Variants in PPFIA2 observed in about 807,000 individuals in gnomAD.
PPFIA2 encodes PPFI scaffold protein A2.
A neutral mutation model predicts 175.5 loss-of-function variants in PPFIA2; 46 were observed. That is an observed-to-expected ratio of 0.26 (90% CI 0.21 to 0.34). The LOEUF (loss-of-function observed/expected upper bound fraction) is 0.34, where lower values mean the gene tolerates loss of function less well. PPFIA2 is among the 10% of genes least tolerant of loss of function. PPFIA2 has a pLI of 1.00. For synonymous variants in PPFIA2, 568 were observed against 511.4 expected, an observed-to-expected ratio of 1.11 and a Z score of -1.49; for missense variants, 1,179 against 1,506.1, an observed-to-expected ratio of 0.78 and a Z score of 3.60.
chr12:81,572,706 A>G (rs917870475), intron 4 of PPFIA2, among the ~76,000 whole-genome samples: 1 of 152,030 alleles, frequency 6.6e-6, no homozygotes, highest in Admixed American at 6.6e-5. Flanking sequence ...TCTAGTAGCA[A>G]TGGGACATCC....
At chr12:81,385,867 A>G (rs1364968809) in intron 8 of PPFIA2, among the ~76,000 whole-genome samples, 1 of 152,202 alleles carries the variant, frequency 6.6e-6, no homozygotes, top group Admixed American at 6.5e-5. Flanking sequence ...CACCACAAAA[A>G]TGATAAGTGA....
chr12:81,377,587 C>T (rs1033059344), intron 9 of PPFIA2, among the ~76,000 whole-genome samples: 1 of 151,896 alleles, frequency 6.6e-6, no homozygotes, highest in Non-Finnish European at 1.5e-5. Context: ...AATAGATCCA[C>T]CATGAAACTC....
At chr12:81,348,422 T>C (rs1293022806) in intron 17 of PPFIA2, among the ~76,000 whole-genome samples, 1 of 152,036 alleles carries the variant, frequency 6.6e-6, no homozygotes, top group Non-Finnish European at 1.5e-5. Flanking sequence ...GATGAATACA[T>C]AAATAATGAA....
At chr12:81,758,951 C>G (rs954369240) in intron 1 of PPFIA2, among the ~76,000 whole-genome samples, 1 of 152,148 alleles carries the variant, frequency 6.6e-6, no homozygotes, top group Non-Finnish European at 1.5e-5. Flanking sequence ...GAGAGAAGTT[C>G]TCCACCCAGT....
At chr12:81,745,947 C>T (rs1441525156) in intron 3 of PPFIA2, among the ~76,000 whole-genome samples, 2 of 107,176 alleles carry the variant, frequency 1.9e-5, no homozygotes. Flanking sequence ...AACAAACAAA[C>T]AGCTTTCCAA....
At chr12:81,471,133 T>G (rs1185539407) in intron 4 of PPFIA2, 1 of 149,702 alleles carries the variant, frequency 6.7e-6, no homozygotes, top group East Asian at 1.9e-4. Flanking sequence ...ATTTATTTAT[T>G]TATTTATTTA....
intron 3 of PPFIA2, among the ~76,000 whole-genome samples, chr12:81,706,434 T>C (rs2077149272): frequency 6.6e-6 from 1 of 152,238 alleles, no homozygotes; most frequent in Non-Finnish European, 1.5e-5. Flanking sequence ...TATGAAGCTA[T>C]TTATTGTGCT....
chr12:81,718,800 G>A (rs1206071369), intron 3 of PPFIA2, among the ~76,000 whole-genome samples: 1 of 151,624 alleles, frequency 6.6e-6, no homozygotes, highest in Non-Finnish European at 1.5e-5. Flanking sequence ...AACTGTGAGA[G>A]GATGAGAGAC....
intron 4 of PPFIA2, among the ~76,000 whole-genome samples, chr12:81,540,045 AACAGAGAGAGAGAGGAG>A (rs1277221014): frequency 6.6e-6 from 1 of 151,912 alleles, no homozygotes; most frequent in African/African-American, 2.4e-5. Flanking sequence ...AATGTGGAAA[AACAGAGAGAGAGAGGAG>A]ACAGAGAGAG....
At chr12:81,279,413 A>G (rs1350758636) in intron 27 of PPFIA2, 1 of 152,202 alleles carries the variant, frequency 6.6e-6, no homozygotes, top group Non-Finnish European at 1.5e-5. Context: ...TATAATCACT[A>G]TCACAGATAT....
At chr12:81,724,602 T>A (rs1039710213) in intron 3 of PPFIA2, among the ~76,000 whole-genome samples, 3 of 151,020 alleles carry the variant, frequency 2.0e-5, no homozygotes, top group Non-Finnish European at 3.0e-5. Context: ...TTATTTCACC[T>A]AATTTAAGAC....
intron 3 of PPFIA2, among the ~76,000 whole-genome samples, chr12:81,714,379 G>A (rs1165621438): frequency 6.6e-6 from 1 of 150,908 alleles, no homozygotes; most frequent in Admixed American, 6.8e-5. Flanking sequence ...AGGTATGAAA[G>A]GCAGCTGAGT....
intron 3 of PPFIA2, among the ~76,000 whole-genome samples, chr12:81,715,944 T>C (rs1731694642): frequency 1.3e-5 from 2 of 151,570 alleles, no homozygotes; most frequent in Admixed American, 1.3e-4. Flanking sequence ...ACAGTTCAAT[T>C]AAAAACTTTA....
chr12:81,366,981 T>A, intron 14 of PPFIA2, 127 bp downstream of exon 14: 1 of 1,104,776 alleles, frequency 9.1e-7, no homozygotes, highest in Non-Finnish European at 1.2e-6. Flanking sequence ...TTCTAAAAAG[T>A]TAAAATTGTT....
At chr12:81,348,965 G>T (rs2059554797) in intron 17 of PPFIA2, among the ~76,000 whole-genome samples, 1 of 152,054 alleles carries the variant, frequency 6.6e-6, no homozygotes, top group Admixed American at 6.6e-5. Flanking sequence ...GTACCTTCAA[G>T]TTTATGATCA....
At chr12:81,752,354 A>T (rs1486576317) in intron 3 of PPFIA2, among the ~76,000 whole-genome samples, 1 of 152,202 alleles carries the variant, frequency 6.6e-6, no homozygotes, top group African/African-American at 2.4e-5. Context: ...CAAGAGAGTA[A>T]GCAGGATGGT....
rs60859846 is a variant in PPFIA2, at chr12:81,642,661, T to TA, written c.303+34129_303+34130insT. ...TTATATACATACATGTATGTATCTA[T>TA]TATATACATACATGTATGTATCTAT... is the stretch of plus-strand genomic sequence containing the variant. On this transcript the variant is annotated intron_variant, in intron 4 of 32. Transcript: ENST00000549396. Among the ~76,000 whole-genome samples the TA allele has an allele frequency of 1.5e-4, 15 of 98,082 alleles. 3 individuals carry two copies. Among genetic ancestry groups the TA allele is most frequent in the African/African-American group, 5.2e-4 (14 of 27,118 alleles). The allele number at this position is 98,082 out of a possible 152,430, so 64.3% of individuals were successfully genotyped here.
In PPFIA2 at chr12:81,758,483, C is replaced by A; in HGVS notation, c.-86G>T. 1 of 456,416 alleles carries A rather than the reference C, an allele frequency of 2.2e-6. No homozygotes were observed. The highest frequency in any genetic ancestry group is 4.4e-6 in the Non-Finnish European group (1 of 226,696). The allele number at this position is 456,416 out of a possible 1,614,324, so 28.3% of individuals were successfully genotyped here. On this transcript the variant is annotated 5_prime_UTR_variant, in exon 2 of 33. Transcript: ENST00000549396. Reference sequence around the variant, plus strand: ...CCGGCTTGAGGAGAAGGGAGGCTCACACCCAGCACTCCTGGACCATTTCCC... The same window carrying A: ...CCGGCTTGAGGAGAAGGGAGGCTCAAACCCAGCACTCCTGGACCATTTCCC...
chr12:81,510,821 C>G (rs1186280363), intron 4 of PPFIA2, among the ~76,000 whole-genome samples: 1 of 152,032 alleles, frequency 6.6e-6, no homozygotes, highest in Non-Finnish European at 1.5e-5. Flanking sequence ...ACAAAATATT[C>G]ATGACTAACA....
Sources: gnomAD v4.1 joint callset for allele counts (sites outside exome capture counted in the v4.1 genomes callset) on GRCh38, gnomAD v4.1.1 for gene constraint, MANE v1.5 for transcripts, NCBI Gene and HGNC (gene_info 2026-07-23, HGNC 2026-07-21) for gene names.